Variants in TSPEAR observed in about 807,000 individuals in gnomAD.
The protein encoded by TSPEAR is thrombospondin-type laminin G domain and EAR repeat-containing protein.
TSPEAR carries 69 observed loss-of-function variants against 71.6 expected under a neutral mutation model. The ratio of observed to expected loss-of-function variants is 0.96; its 90% CI spans 0.79 to 1.18. The LOEUF (loss-of-function observed/expected upper bound fraction) is 1.18, where lower values mean the gene tolerates loss of function less well. TSPEAR is among the 50% of genes most tolerant of loss of function. The pLI, the probability that TSPEAR is intolerant of heterozygous loss-of-function variation, is 0.00. For synonymous variants in TSPEAR, 402 were observed against 387.2 expected, an observed-to-expected ratio of 1.04 and a Z score of -0.45; for missense variants, 971 against 894.9, an observed-to-expected ratio of 1.09 and a Z score of -1.09.
At chr21:44,580,394 T>G (rs1555924897) in intron 1 of TSPEAR, 1 of 1,613,054 alleles carries the variant, frequency 6.2e-7, no homozygotes, top group African/African-American at 1.3e-5. Context: ...GCAGCCTGAT[T>G]GGCAGGGGCT....
chr21:44,694,862 C>A (rs1174892746), intron 1 of TSPEAR, among the ~76,000 whole-genome samples: 1 of 152,114 alleles, frequency 6.6e-6, no homozygotes, highest in Non-Finnish European at 1.5e-5. Flanking sequence ...TCCCGTGAGC[C>A]GGTGCAGCAT....
chr21:44,607,569 G>A (rs587672446), intron 1 of TSPEAR, among the ~76,000 whole-genome samples: 23 of 152,286 alleles, frequency 1.5e-4, no homozygotes, highest in African/African-American at 4.3e-4. Flanking sequence ...CTTCGGGAAC[G>A]GGGTAAAAAT....
rs139758899 is a variant in TSPEAR, at chr21:44,604,686, T to G, written c.83-36681A>C. On this transcript the variant is annotated intron_variant, in intron 1 of 11. Transcript: ENST00000323084. The stretch of plus-strand genomic sequence containing the variant: ...GTTTTTGATCTTAGAGAAAGAGCTT[T>G]CAGCTTTTCACCACTGAGTATGGCA... Among the ~76,000 whole-genome samples the G allele has an allele frequency of 7.2e-5, 11 of 152,384 alleles. No individual in the cohort carries two copies. In the East Asian group the frequency reaches 2.1e-3, roughly 29 times the overall value.
chr21:44,601,615 A>G (rs587751683), intron 1 of TSPEAR: 2 of 1,609,390 alleles, frequency 1.2e-6, no homozygotes, highest in African/African-American at 1.4e-5. Flanking sequence ...CTGCGCCCCC[A>G]CCTCCTCCTG....
Position 44,612,635 on chromosome 21 carries a change from G to C in TSPEAR, c.83-44630C>G, listed in dbSNP as rs1555931451. ...CTGCAAGCCCATCTGCTGTGTGCCT[G>C]TCTGCTCTGGGGCTTCCTCTCTGTG... On this transcript the variant is annotated intron_variant, in intron 1 of 11. Coordinates refer to ENST00000323084, the MANE Select transcript of TSPEAR (RefSeq NM_144991.3). The surrounding 1 kb of genome is among the most constrained non-coding windows in gnomAD (Gnocchi z 4.1). 1 of 1,613,308 alleles carries C rather than the reference G, an allele frequency of 6.2e-7. No homozygotes were observed. The highest frequency in any genetic ancestry group is 1.1e-5 in the South Asian group (1 of 91,028).
At chr21:44,499,977 G>A (rs1555910947) in intron 11 of TSPEAR, 41 bp from the exon 12 acceptor site, 2 of 1,558,522 alleles carry the variant, frequency 1.3e-6, no homozygotes, top group East Asian at 2.4e-5. Context: ...CCTGGGCTCT[G>A]CGGGGCAGCT....
chr21:44,504,247 GCTGGCCTCGGTGAGCCCTCA>G (rs2052134173), intron 11 of TSPEAR, among the ~76,000 whole-genome samples: 1 of 125,734 alleles, frequency 8.0e-6, no homozygotes, highest in East Asian at 2.7e-4. Context: ...TCGGGGGGTA[GCTGGCCTCGGTGAGCCCTCA>G]GGGGGAAGCA....
chr21:44,576,825 A>T lies in TSPEAR; in HGVS notation c.83-8820T>A, dbSNP rs367839929. On this transcript the variant is annotated intron_variant, in intron 1 of 11. Transcript: ENST00000323084. ...ATATTTATACAAAATCCCATCCAACAACAATGGGATGCATGTTGTTTAAAG... is the reference window on the plus strand; with the variant it reads ...ATATTTATACAAAATCCCATCCAACTACAATGGGATGCATGTTGTTTAAAG... Among the ~76,000 whole-genome samples, 297 of 152,316 alleles carry T rather than the reference A, an allele frequency of 1.9e-3. 1 individual carries two copies. The highest frequency in any genetic ancestry group is 6.8e-3 in the African/African-American group (283 of 41,572).
intron 11 of TSPEAR, among the ~76,000 whole-genome samples, chr21:44,501,015 C>CTT (rs1267826783): frequency 6.6e-6 from 1 of 152,184 alleles, no homozygotes; most frequent in Non-Finnish European, 1.5e-5. Flanking sequence ...CACATTTGGA[C>CTT]TTTTAATCCA....
At chr21:44,513,367 C>G (rs2052455523) in intron 9 of TSPEAR, among the ~76,000 whole-genome samples, 1 of 152,202 alleles carries the variant, frequency 6.6e-6, no homozygotes, top group Non-Finnish European at 1.5e-5. Context: ...GTGTGGGACC[C>G]CCCTGTCAGG....
chr21:44,551,021 G>A lies in TSPEAR; in HGVS notation c.303+16764C>T, dbSNP rs587596519. 5.0e-6 allele frequency: 8 copies of A among 1,610,730 alleles called. No homozygotes were observed. The South Asian group carries it at 6.6e-5, about 13-fold the overall frequency. On this transcript the variant is annotated intron_variant, in intron 2 of 11. Transcript: ENST00000323084. ...AGGTGGGCACGCAGCACACAGCTTT[G>A]CAGCAGACAGGCACACGGCAGGACT...
chr21:44,653,532 T>C (rs587708549), intron 1 of TSPEAR, among the ~76,000 whole-genome samples: 8 of 152,356 alleles, frequency 5.3e-5, no homozygotes, highest in African/African-American at 1.7e-4. Flanking sequence ...AAAAGCTTTT[T>C]TTATCAACAC....
chr21:44,656,134 G>C (rs1985130148), intron 1 of TSPEAR, among the ~76,000 whole-genome samples: 1 of 152,216 alleles, frequency 6.6e-6, no homozygotes, highest in African/African-American at 2.4e-5. Context: ...TAAAAACCAA[G>C]AGAATTGGGG....
chr21:44,688,902 A>G (rs1385338261), intron 1 of TSPEAR, among the ~76,000 whole-genome samples: 1 of 152,058 alleles, frequency 6.6e-6, no homozygotes, highest in Non-Finnish European at 1.5e-5. Context: ...GGACCCCTAA[A>G]GGCCCCGAGG....
chr21:44,525,123 CAGTCAGGT>C (rs2052825414), intron 8 of TSPEAR, among the ~76,000 whole-genome samples: 1 of 151,560 alleles, frequency 6.6e-6, no homozygotes, highest in African/African-American at 2.4e-5. Flanking sequence ...AATCAGGTAT[CAGTCAGGT>C]AGTCAGTCAG....
At position 44,499,551 on chromosome 21, in the gene TSPEAR, G is replaced by C; in HGVS notation, c.*232C>G. 3.9e-6 allele frequency: 2 copies of C among 510,470 alleles called. No homozygotes were observed. The highest frequency in any genetic ancestry group is 6.8e-6 in the Non-Finnish European group (2 of 292,488). 31.6% of individuals were successfully genotyped at this position (510,470 alleles called of 1,614,324 possible). A position where few individuals can be genotyped will look rare whatever the true frequency, so the allele number is the denominator to read the frequency against. On this transcript the variant is annotated 3_prime_UTR_variant, in exon 12 of 12. Coordinates refer to ENST00000323084, the MANE Select transcript of TSPEAR (RefSeq NM_144991.3). ...GGGCGAGCACTGGCAGGGGCTCTGG[G>C]CCTCTGCCTGCAAGACCAGACCGTC...
chr21:44,706,423 G>A (rs868984019), intron 1 of TSPEAR, among the ~76,000 whole-genome samples: 2 of 150,308 alleles, frequency 1.3e-5, no homozygotes, highest in African/African-American at 4.9e-5. Flanking sequence ...ACACACACGC[G>A]CGCACACACC....
chr21:44,509,705 G>A, intron 9 of TSPEAR: 1 of 341,982 alleles, frequency 2.9e-6, no homozygotes. Flanking sequence ...TGGCACTCCT[G>A]CTGGCAGCCT....
At position 44,522,227 on chromosome 21, in the gene TSPEAR, G is replaced by C. The variant is rs587745506; in HGVS notation, c.1337-115C>G. ...TCCCCGAGGACCGAAGACCCACGAG[G>C]ACAAGGCCAACCGCTGGGGACATCC... On this transcript the variant is annotated intron_variant, in intron 8 of 11. Coordinates refer to ENST00000323084, the MANE Select transcript of TSPEAR (RefSeq NM_144991.3). 287 of 980,314 alleles carry C rather than the reference G, an allele frequency of 2.9e-4. 2 individuals carry two copies. The African/African-American group carries it at 4.1e-3, about 14-fold the overall frequency. 60.7% of individuals were successfully genotyped at this position (980,314 alleles called of 1,614,324 possible). A position where few individuals can be genotyped will look rare whatever the true frequency, so the allele number is the denominator to read the frequency against.
Sources: gnomAD v4.1 joint callset for allele counts (sites outside exome capture counted in the v4.1 genomes callset) on GRCh38, gnomAD v4.1.1 for gene constraint, Gnocchi (gnomAD v3.1) non-coding constraint, MANE v1.5 for transcripts, NCBI Gene and HGNC (gene_info 2026-07-23, HGNC 2026-07-21) for gene names.